Variants in STAU2 observed in about 807,000 individuals in gnomAD.
STAU2 encodes the protein staufen double-stranded RNA binding protein 2.
A neutral mutation model predicts 65.9 loss-of-function variants in STAU2; 20 were observed. That is an observed-to-expected ratio of 0.30 (90% CI 0.21 to 0.44). The LOEUF (loss-of-function observed/expected upper bound fraction) is 0.44, where lower values mean the gene tolerates loss of function less well. STAU2 is among the 20% of genes least tolerant of loss of function. The pLI is 1.00. For synonymous variants in STAU2, 232 were observed against 233.9 expected (o/e 0.99, Z 0.07); for missense variants, 558 against 683.9 (o/e 0.82, Z 2.05).
intron 6 of STAU2, among the ~76,000 whole-genome samples, chr8:73,635,951 C>CACACACACACACACA (rs35939277): frequency 1.8e-5 from 1 of 54,672 alleles, no homozygotes; most frequent in African/African-American, 5.5e-5. Flanking sequence ...CACACACACA[C>CACACACACACACACA]CCCTGGAACC....
intron 12 of STAU2, among the ~76,000 whole-genome samples, chr8:73,570,754 G>A (rs1003789745): frequency 2.0e-5 from 3 of 152,100 alleles, no homozygotes; most frequent in African/African-American, 7.2e-5. Flanking sequence ...CGGATCTCTC[G>A]GCAGAAACTC....
chr8:73,623,566 G>A (rs1813421645), intron 6 of STAU2, among the ~76,000 whole-genome samples: 1 of 152,144 alleles, frequency 6.6e-6, no homozygotes, highest in South Asian at 2.1e-4. Context: ...ACTGGAAACA[G>A]AAATGTCACT....
intron 6 of STAU2, chr8:73,651,478 C>T: frequency 1.4e-6 from 1 of 689,958 alleles, no homozygotes; most frequent in Admixed American, 1.9e-5. Context: ...CCCAGCTGAA[C>T]AGCCTCTTCT....
chr8:73,525,552 CCA>C (rs1293480782), intron 13 of STAU2, among the ~76,000 whole-genome samples: 3 of 152,092 alleles, frequency 2.0e-5, no homozygotes, highest in African/African-American at 7.2e-5. Context: ...TATGAAGAAG[CCA>C]AGTCCCCAAG....
intron 3 of STAU2, among the ~76,000 whole-genome samples, chr8:73,721,287 CAAAAAAAAAAA>C (rs35721754): frequency 1.2e-3 from 15 of 12,464 alleles, no homozygotes; most frequent in South Asian, 7.2e-3. Flanking sequence ...ACCCCACCTC[CAAAAAAAAAAA>C]AAAAAAAAAA....
intron 6 of STAU2, among the ~76,000 whole-genome samples, chr8:73,630,187 A>G (rs1383814664): frequency 6.6e-6 from 1 of 152,238 alleles, no homozygotes; most frequent in Non-Finnish European, 1.5e-5. Context: ...GGAATGCACT[A>G]TGTGGATTTC....
intron 4 of STAU2, among the ~76,000 whole-genome samples, chr8:73,700,446 T>G (rs1563515921): frequency 6.6e-6 from 1 of 151,996 alleles, no homozygotes; most frequent in African/African-American, 2.4e-5. Flanking sequence ...AAAAAACTAT[T>G]AGAACAGATA....
chr8:73,565,776 T>G (rs1170896561), intron 12 of STAU2, among the ~76,000 whole-genome samples: 2 of 152,234 alleles, frequency 1.3e-5, no homozygotes, highest in African/African-American at 2.4e-5. Flanking sequence ...TATTACAATT[T>G]GGGTCTTTAT....
At chr8:73,559,544 T>C (rs1267865987) in intron 12 of STAU2, among the ~76,000 whole-genome samples, 1 of 152,222 alleles carries the variant, frequency 6.6e-6, no homozygotes, top group Non-Finnish European at 1.5e-5. Context: ...GTGGGCCTCA[T>C]AGCCGGGACC....
intron 13 of STAU2, among the ~76,000 whole-genome samples, chr8:73,467,360 G>A (rs562366043): frequency 7.2e-5 from 11 of 152,162 alleles, no homozygotes; most frequent in Non-Finnish European, 1.0e-4. Context: ...ATGAAACCCC[G>A]TCTCTACTAA....
intron 6 of STAU2, among the ~76,000 whole-genome samples, chr8:73,619,930 T>C (rs1264310071): frequency 1.3e-5 from 2 of 149,772 alleles, no homozygotes; most frequent in African/African-American, 2.4e-5. Context: ...ACTACAGTTT[T>C]CTATTAATTT....
intron 13 of STAU2, among the ~76,000 whole-genome samples, chr8:73,442,400 T>C (rs557347309): frequency 1.3e-5 from 2 of 150,312 alleles, no homozygotes; most frequent in Non-Finnish European, 3.0e-5. Flanking sequence ...TTAAAGTCTA[T>C]ACTTAAAATA....
chr8:73,430,115 T>C (rs1291951907), intron 13 of STAU2, among the ~76,000 whole-genome samples: 1 of 152,254 alleles, frequency 6.6e-6, no homozygotes. Context: ...CTGAGTATCT[T>C]GTTCCCTCCT....
At chr8:73,666,048 T>C (rs1817213504) in intron 6 of STAU2, among the ~76,000 whole-genome samples, 1 of 152,126 alleles carries the variant, frequency 6.6e-6, no homozygotes, top group African/African-American at 2.4e-5. Context: ...ATATTTTCAA[T>C]CCACAATTGG....
intron 13 of STAU2, among the ~76,000 whole-genome samples, chr8:73,492,380 C>T (rs1821193542): frequency 6.6e-6 from 1 of 151,868 alleles, no homozygotes; most frequent in Admixed American, 6.6e-5. Flanking sequence ...CTTAGTCAAC[C>T]TCTCCTACTG....
intron 12 of STAU2, among the ~76,000 whole-genome samples, chr8:73,565,069 G>A (rs893971336): frequency 6.6e-6 from 1 of 152,216 alleles, no homozygotes; most frequent in Non-Finnish European, 1.5e-5. Flanking sequence ...ATGAATGACT[G>A]AATGTATACA....
intron 13 of STAU2, among the ~76,000 whole-genome samples, chr8:73,531,412 G>T (rs1805803395): frequency 6.6e-6 from 1 of 152,162 alleles, no homozygotes; most frequent in Non-Finnish European, 1.5e-5. Flanking sequence ...CCACTGCATT[G>T]AGACTGCTCA....
At chr8:73,641,530 C>T (rs1303749653) in intron 6 of STAU2, among the ~76,000 whole-genome samples, 1 of 152,162 alleles carries the variant, frequency 6.6e-6, no homozygotes, top group East Asian at 1.9e-4. Context: ...TCATGTCAGC[C>T]AGCATTTCCT....
chr8:73,599,420 T>A (rs1018564327), intron 10 of STAU2, among the ~76,000 whole-genome samples: 12 of 152,100 alleles, frequency 7.9e-5, no homozygotes, highest in South Asian at 2.1e-4. Context: ...TCAGTTTTTT[T>A]AAAAAACGAG....
Sources: allele counts gnomAD v4.1 joint callset (sites outside exome capture counted in the v4.1 genomes callset), GRCh38; gene constraint gnomAD v4.1.1; transcripts MANE v1.5; gene names NCBI Gene and HGNC (gene_info 2026-07-23, HGNC 2026-07-21).